The following CRMP1 variants were observed in gnomAD, a reference collection of about 807,000 sequenced individuals.
CRMP1 encodes dihydropyrimidinase-related protein 1.
Under a neutral mutation model 68.3 loss-of-function variants are expected in CRMP1, and 19 were observed. The ratio of observed to expected loss-of-function variants is 0.28; its 90% CI spans 0.19 to 0.41. The LOEUF (loss-of-function observed/expected upper bound fraction) is 0.41. Among genes scored for constraint, CRMP1 ranks in the 10% least tolerant of loss-of-function variants. The pLI is 1.00. For missense variants in CRMP1, 791 were observed against 967.4 expected (o/e 0.82, Z 2.42); for synonymous variants, 439 against 399.6 (o/e 1.10, Z -1.18).
chr4:5,868,271 A>ATCTATATATC (rs1307662998), intron 1 of CRMP1, among the ~76,000 whole-genome samples: 8 of 24,650 alleles, frequency 3.2e-4, no homozygotes, highest in African/African-American at 9.6e-4. Context: ...CTATATATAT[A>ATCTATATATC]TATATATATA....
At chr4:5,878,029 T>G (rs1377297160) in intron 1 of CRMP1, among the ~76,000 whole-genome samples, 1 of 152,252 alleles carries the variant, frequency 6.6e-6, no homozygotes, top group African/African-American at 2.4e-5. Flanking sequence ...CCTTAAGAAG[T>G]GCACATTCCT....
Position 5,827,628 on chromosome 4 carries a change from A to C in CRMP1, c.1803+861T>G, listed in dbSNP as rs73079540. Among the ~76,000 whole-genome samples the C allele has an allele frequency of 6.6e-3, 1,011 of 152,164 alleles. 10 individuals carry two copies. Among genetic ancestry groups the C allele is most frequent in the African/African-American group, 0.021 (890 of 41,514 alleles). On this transcript the variant is annotated intron_variant, in intron 12 of 13. Coordinates refer to ENST00000324989, the MANE Select transcript of CRMP1 (RefSeq NM_001014809.3). ...CTCGCATACACACACGCGCACACACACACACTCCAACACACGCACACACAT... is the reference window on the plus strand; with the variant it reads ...CTCGCATACACACACGCGCACACACCCACACTCCAACACACGCACACACAT...
rs1011864947 is a variant in CRMP1, at chr4:5,872,468, C to A, written c.382-5712G>T. ...TTGGGAGGCCGAGGTTGGCGGATCA[C>A]CTGAGGTTAGGAGTTTGAGACCAGC... On this transcript the variant is annotated intron_variant, in intron 1 of 13. Coordinates refer to ENST00000324989, the MANE Select transcript of CRMP1 (RefSeq NM_001014809.3). This position sits in a 1 kb window ranked among gnomAD's most constrained non-coding sequence, Gnocchi z 4.6. 5.9e-5 allele frequency among the ~76,000 whole-genome samples: 9 copies of A among 152,222 alleles called. No homozygotes were observed. Among genetic ancestry groups the A allele is most frequent in the Admixed American group, 2.6e-4 (4 of 15,292 alleles).
Position 5,889,215 on chromosome 4 carries a change from G to T in CRMP1, c.381+3374C>A, listed in dbSNP as rs1284368721. On this transcript the variant is annotated intron_variant, in intron 1 of 13. Transcript: ENST00000324989. This position sits in a 1 kb window ranked among gnomAD's most constrained non-coding sequence, Gnocchi z 4.5. ...CAGAGGGAACAGCAGGGACAGAAGG[G>T]TACGGCCTTAATTAATGCTGACCTG... Among the ~76,000 whole-genome samples the T allele has an allele frequency of 6.6e-6, 1 of 152,168 alleles. No homozygotes were observed. Among genetic ancestry groups the T allele is most frequent in the African/African-American group, 2.4e-5 (1 of 41,446 alleles).
rs2152477988 is a variant in CRMP1 at position 5,890,827 on chromosome 4, C to G, written c.381+1762G>C. 6.6e-6 allele frequency among the ~76,000 whole-genome samples: 1 copy of G among 152,244 alleles called. No individual in the cohort carries two copies. The highest frequency in any genetic ancestry group is 6.5e-5 in the Admixed American group (1 of 15,310). The stretch of plus-strand genomic sequence containing the variant: ...CATTGACCGCAGTTCCAGAGGAACT[C>G]TCCTTGGGACAGCTACGGGCCGTGC... On this transcript the variant is annotated intron_variant, in intron 1 of 13. Coordinates refer to ENST00000324989, the MANE Select transcript of CRMP1 (RefSeq NM_001014809.3). The surrounding 1 kb of genome is among the most constrained non-coding windows in gnomAD (Gnocchi z 5.5).
At chr4:5,836,452 G>C (rs909423628) in intron 10 of CRMP1, among the ~76,000 whole-genome samples, 1 of 152,138 alleles carries the variant, frequency 6.6e-6, no homozygotes, top group Non-Finnish European at 1.5e-5. Flanking sequence ...CTCCTAACAC[G>C]TGTGCACATG....
At chr4:5,864,679 C>T (rs550633190) in intron 2 of CRMP1, among the ~76,000 whole-genome samples, 1 of 152,270 alleles carries the variant, frequency 6.6e-6, no homozygotes, top group East Asian at 1.9e-4. Flanking sequence ...CACCCCACAC[C>T]GTCTTGGGGT....
At chr4:5,867,194 C>A (rs1714055791) in intron 1 of CRMP1, among the ~76,000 whole-genome samples, 1 of 152,208 alleles carries the variant, frequency 6.6e-6, no homozygotes, top group South Asian at 2.1e-4. Context: ...CCTTGCTTAT[C>A]AGTCAATAAT....
rs1370100055 is a variant in CRMP1 at position 5,892,348 on chromosome 4, G to T, written c.381+241C>A. ...TCCCTTTCTGTAGAAGAGGAGCCGG[G>T]ACTGGACCCGGGCGATCCCTTCCGA... On this transcript the variant is annotated intron_variant, in intron 1 of 13. Transcript: ENST00000324989. The surrounding 1 kb of genome is among the most constrained non-coding windows in gnomAD (Gnocchi z 8.6). 6.6e-6 allele frequency among the ~76,000 whole-genome samples: 1 copy of T among 152,214 alleles called. No homozygotes were observed. The highest frequency in any genetic ancestry group is 1.9e-4 in the East Asian group (1 of 5,182).
chr4:5,840,303 C>A (rs1448418427), intron 8 of CRMP1, among the ~76,000 whole-genome samples: 1 of 152,238 alleles, frequency 6.6e-6, no homozygotes, highest in Non-Finnish European at 1.5e-5. Context: ...CCCAGAAGTT[C>A]CTGCTTGTCT....
In CRMP1 at chr4:5,872,643, C is replaced by T. The variant is rs1714537699; in HGVS notation, c.382-5887G>A. Among the ~76,000 whole-genome samples the T allele has an allele frequency of 6.6e-6, 1 of 152,204 alleles. No homozygotes were observed. The highest frequency in any genetic ancestry group is 6.5e-5 in the Admixed American group (1 of 15,282). ...CGGAGGTTGCAGTGAGCTGAGATCGCACCGCTGCAGTCCAGCCTGGGCAAC... is the reference window on the plus strand; with the variant it reads ...CGGAGGTTGCAGTGAGCTGAGATCGTACCGCTGCAGTCCAGCCTGGGCAAC... On this transcript the variant is annotated intron_variant, in intron 1 of 13. Transcript: ENST00000324989. The surrounding 1 kb of genome is among the most constrained non-coding windows in gnomAD (Gnocchi z 4.6).
chr4:5,829,181 A>G (rs1720155515), intron 11 of CRMP1, among the ~76,000 whole-genome samples: 1 of 152,112 alleles, frequency 6.6e-6, no homozygotes, highest in Admixed American at 6.6e-5. Flanking sequence ...GGGTAATGCC[A>G]TTTTTTTCTT....
In CRMP1 at chr4:5,843,135, G is replaced by T. The variant is rs758451723; in HGVS notation, c.990C>A (p.Gly330=). 1.9e-6 allele frequency: 3 copies of T among 1,614,062 alleles called. No homozygotes were observed. Among genetic ancestry groups the T allele is most frequent in the African/African-American group, 1.3e-5 (1 of 74,918 alleles). Reference sequence around the variant, plus strand: ...GGGCATGGCCCTCGGGACCCGTGATGCCCATCTCCAGGATCCGCTTTTGTT... The same window carrying T: ...GGGCATGGCCCTCGGGACCCGTGATTCCCATCTCCAGGATCCGCTTTTGTT... ...AQEQKRILEM[G]ITGPEGHALS... The change falls in exon 7 of 14, where the codon GGC becomes GGA. Residue 330 remains glycine (G), a synonymous_variant. Transcript: ENST00000324989. This position sits in a 1 kb window ranked among gnomAD's most constrained non-coding sequence, Gnocchi z 4.1.
rs539534156 is a variant in CRMP1 at position 5,839,787 on chromosome 4, C to A, written c.1154-109G>T. ...GAGGGAGAACGGGGCTGGCTGAAGG[C>A]CAGAACACTGGCCACCGTTCTTGCA... On this transcript the variant is annotated intron_variant, in intron 8 of 13. Transcript: ENST00000324989. The A allele has an allele frequency of 1.1e-4, 143 of 1,273,494 alleles. No individual in the cohort carries two copies. The Middle Eastern group carries it at 1.5e-3, about 14-fold the overall frequency. The allele number at this position is 1,273,494 out of a possible 1,614,324, so 78.9% of individuals were successfully genotyped here. A position where few individuals can be genotyped will look rare whatever the true frequency, so the allele number is the denominator to read the frequency against.
chr4:5,823,698 T>C (rs1236260664), intron 13 of CRMP1, among the ~76,000 whole-genome samples: 1 of 152,248 alleles, frequency 6.6e-6, no homozygotes, highest in Admixed American at 6.5e-5. Flanking sequence ...CTAGCTCTCC[T>C]TCGCCTTCTG....
intron 1 of CRMP1, among the ~76,000 whole-genome samples, chr4:5,871,586 G>A (rs1714452964): frequency 6.6e-6 from 1 of 152,102 alleles, no homozygotes; most frequent in Non-Finnish European, 1.5e-5. Flanking sequence ...CATGAACAAG[G>A]GAGAAGGAGG....
intron 11 of CRMP1, among the ~76,000 whole-genome samples, chr4:5,829,322 G>A (rs1426670933): frequency 1.3e-5 from 2 of 152,156 alleles, no homozygotes; most frequent in East Asian, 1.9e-4. Flanking sequence ...CTGGGAGGTG[G>A]AGGTTGCAGT....
intron 1 of CRMP1, among the ~76,000 whole-genome samples, chr4:5,880,924 C>T (rs1403564636): frequency 3.9e-5 from 6 of 152,216 alleles, no homozygotes; most frequent in Admixed American, 3.9e-4. Context: ...TCCTGAAGGG[C>T]TCCTGAGGAG....
chr4:5,830,317 T>C (rs1217497781), intron 11 of CRMP1, among the ~76,000 whole-genome samples: 1 of 151,904 alleles, frequency 6.6e-6, no homozygotes, highest in Non-Finnish European at 1.5e-5. Flanking sequence ...ATGAAGTAAT[T>C]GTTTTTGCCA....
Sources: allele counts gnomAD v4.1 joint callset (sites outside exome capture counted in the v4.1 genomes callset), GRCh38; gene constraint gnomAD v4.1.1; non-coding constraint Gnocchi (gnomAD v3.1); transcripts MANE v1.5; gene names NCBI Gene and HGNC (gene_info 2026-07-23, HGNC 2026-07-21).